Variants in RRBP1 observed in about 807,000 individuals in gnomAD.
The protein encoded by RRBP1 is ribosome binding protein 1.
RRBP1 carries 94 observed loss-of-function variants against 165.2 expected under a neutral mutation model. The ratio of observed to expected loss-of-function variants is 0.57; its 90% CI spans 0.48 to 0.68. The LOEUF is 0.68. RRBP1 is among the 30% of genes least tolerant of loss of function. RRBP1 has a pLI of 0.00. For synonymous variants in RRBP1, 680 were observed against 714.5 expected (o/e 0.95, Z 0.77); for missense variants, 1,676 against 1,763.0 (o/e 0.95, Z 0.88).
intron 3 of RRBP1, among the ~76,000 whole-genome samples, chr20:17,650,863 A>T (rs1314706481): frequency 6.6e-6 from 1 of 152,230 alleles, no homozygotes; most frequent in African/African-American, 2.4e-5. Flanking sequence ...TAATCCTGCA[A>T]ACAAAGACTC....
rs758396658 is a variant in RRBP1 at position 17,627,378 on chromosome 20, C to T, written c.2933G>A (p.Ser978Asn). The T allele has an allele frequency of 6.2e-7, 1 of 1,613,908 alleles. No homozygotes were observed. Among genetic ancestry groups the T allele is most frequent in the Admixed American group, 1.7e-5 (1 of 59,982 alleles). The change falls in exon 11 of 25, where the codon AGC (serine) becomes AAC (asparagine). Residue 978 changes from serine to asparagine, a missense_variant. Ser to Asn is a conservative substitution (Grantham distance 46). Coordinates refer to ENST00000377813, the MANE Select transcript of RRBP1 (RefSeq NM_001365613.2). Reference sequence around the variant, plus strand: ...CTGCTGCTGGTCAGCCTCCGCCTGGCTGGCCTGGAATGAGAGACAAAAGCT... The same window carrying T: ...CTGCTGCTGGTCAGCCTCCGCCTGGTTGGCCTGGAATGAGAGACAAAAGCT... The part of the protein sequence containing the change: ...QARDAQDVQA[S>N]QAEADQQQTR...
chr20:17,630,710 C>T (rs1288935084), intron 8 of RRBP1, among the ~76,000 whole-genome samples: 2 of 152,162 alleles, frequency 1.3e-5, no homozygotes, highest in African/African-American at 4.8e-5. Context: ...GCCAAGGCCT[C>T]CATTTAACCA....
chr20:17,614,919 C>G, intron 23 of RRBP1, 39 bp from the exon 24 acceptor site: 1 of 1,605,944 alleles, frequency 6.2e-7, no homozygotes, highest in Middle Eastern at 1.7e-4. Flanking sequence ...GCCCTTGCAC[C>G]GGCAGGAGGG....
rs1045790619 is a variant in RRBP1, at chr20:17,640,466, G to A, written c.2184+1331C>T. Among the ~76,000 whole-genome samples the A allele has an allele frequency of 2.8e-4, 43 of 152,188 alleles. 1 individual carries two copies. The highest frequency in any genetic ancestry group is 1.0e-3 in the African/African-American group (43 of 41,448). On this transcript the variant is annotated intron_variant, in intron 5 of 24. Coordinates refer to ENST00000377813, the MANE Select transcript of RRBP1 (RefSeq NM_001365613.2). ...GAGTGGCTGAGCTGGGGCCTGGGGG[G>A]CAGACTTAGGTCTGAAGATTAGGGG...
intron 1 of RRBP1, among the ~76,000 whole-genome samples, chr20:17,680,669 G>A (rs1030781128): frequency 2.6e-5 from 4 of 152,072 alleles, no homozygotes; most frequent in African/African-American, 7.2e-5. Context: ...GATTCAGAGG[G>A]GCTATGGGAC....
chr20:17,630,101 C>G, intron 8 of RRBP1, 140 bp from the exon 9 acceptor site: 1 of 897,634 alleles, frequency 1.1e-6, no homozygotes, highest in Non-Finnish European at 1.6e-6. Context: ...GAAATGCATC[C>G]CTCGAGGCTC....
Position 17,658,842 on chromosome 20 carries a change from G to T in RRBP1, c.1666C>A (p.Gln556Lys), listed in dbSNP as rs1391773390. Residue 556 changes from glutamine to lysine, a missense_variant, in exon 3 of 25, where the codon CAG becomes AAG. Transcript: ENST00000377813. The stretch of plus-strand genomic sequence containing the variant: ...GTAATACCCTCTACCTTTGTGCCCT[G>T]ATTAGCAACCGAATCTGCCTTTTTG... ...QGKKADSVANQGTKVEGITNQ... is the reference protein window; with the variant it reads ...QGKKADSVANKGTKVEGITNQ... 6.2e-7 allele frequency: 1 copy of T among 1,613,970 alleles called. No individual in the cohort carries two copies. The highest frequency in any genetic ancestry group is 1.1e-5 in the South Asian group (1 of 91,080).
chr20:17,640,400 C>G (rs926807098), intron 5 of RRBP1, among the ~76,000 whole-genome samples: 2 of 152,194 alleles, frequency 1.3e-5, no homozygotes, highest in African/African-American at 4.8e-5. Context: ...AATGTCTGAG[C>G]ACAGGTAGGG....
At chr20:17,614,692 C>A (rs377029368) in intron 24 of RRBP1, 45 bp downstream of exon 24, 19 of 1,602,380 alleles carry the variant, frequency 1.2e-5, no homozygotes, top group Admixed American at 1.7e-5. Flanking sequence ...CCGGGGCTCC[C>A]GGCAGCTCGA....
chr20:17,669,915 G>A (rs940232292), intron 2 of RRBP1, among the ~76,000 whole-genome samples: 6 of 151,950 alleles, frequency 3.9e-5, no homozygotes, highest in African/African-American at 1.2e-4. Flanking sequence ...ATTTCCTATC[G>A]TCTGCTTAAT....
intron 2 of RRBP1, among the ~76,000 whole-genome samples, chr20:17,678,933 A>C (rs775434741): frequency 2.6e-5 from 4 of 152,162 alleles, no homozygotes; most frequent in Non-Finnish European, 4.4e-5. Context: ...GATTTTCAAA[A>C]TGCCTCCCCA....
chr20:17,626,579 A>G (rs1010504885), intron 11 of RRBP1, among the ~76,000 whole-genome samples: 4 of 152,162 alleles, frequency 2.6e-5, no homozygotes, highest in African/African-American at 9.7e-5. Flanking sequence ...GACACATCTG[A>G]CCGTGTGCGA....
At chr20:17,637,591 C>T (rs1600745139) in intron 5 of RRBP1, among the ~76,000 whole-genome samples, 1 of 152,292 alleles carries the variant, frequency 6.6e-6, no homozygotes. Context: ...GGGCAGTGGG[C>T]CAGGAGTGAG....
Position 17,658,812 on chromosome 20 carries a change from G to C in RRBP1, c.1696C>G (p.Gln566Glu), listed in dbSNP as rs1196185660. ...QGTKVEGITNQGKKAEGSPSE... is the reference protein window; with the variant it reads ...QGTKVEGITNEGKKAEGSPSE... ...GGGGACCCTTCTGCTTTTTTCCCCTGGTTTGTAATACCCTCTACCTTTGTG... is the reference window on the plus strand; with the variant it reads ...GGGGACCCTTCTGCTTTTTTCCCCTCGTTTGTAATACCCTCTACCTTTGTG... The change falls in exon 3 of 25, where the codon CAG becomes GAG. Residue 566 changes from glutamine to glutamate, a missense_variant. Physicochemically the swap from Gln to Glu is conservative, Grantham distance 29. Coordinates refer to ENST00000377813, the MANE Select transcript of RRBP1 (RefSeq NM_001365613.2). The C allele has an allele frequency of 6.2e-7, 1 of 1,613,996 alleles. No individual in the cohort carries two copies. Among genetic ancestry groups the C allele is most frequent in the Non-Finnish European group, 8.5e-7 (1 of 1,179,898 alleles).
intron 8 of RRBP1, among the ~76,000 whole-genome samples, chr20:17,631,091 C>T (rs372903945): frequency 2.6e-5 from 4 of 152,218 alleles, no homozygotes; most frequent in South Asian, 2.1e-4. Flanking sequence ...TGCATTAGAA[C>T]GTAGCAGGGG....
rs746199776 is a variant in RRBP1 at position 17,619,623 on chromosome 20, G to A, written c.3675+10C>T. On this transcript the variant is annotated intron_variant, in intron 19 of 24. Coordinates refer to ENST00000377813, the MANE Select transcript of RRBP1 (RefSeq NM_001365613.2). ...GGGCAGGGGCTGCACTCCTTGGGGGGCAGACTCACCCCTGCCACCTCCTTG... is the reference window on the plus strand; with the variant it reads ...GGGCAGGGGCTGCACTCCTTGGGGGACAGACTCACCCCTGCCACCTCCTTG... The A allele has an allele frequency of 7.8e-5, 125 of 1,602,346 alleles. No individual in the cohort carries two copies. In the East Asian group the frequency reaches 1.9e-3, roughly 24 times the overall value.
chr20:17,658,901 T>C lies in RRBP1; in HGVS notation c.1607A>G (p.Gln536Arg). The C allele has an allele frequency of 6.2e-7, 1 of 1,613,454 alleles. No individual in the cohort carries two copies. Among genetic ancestry groups the C allele is most frequent in the Non-Finnish European group, 8.5e-7 (1 of 1,179,894 alleles). ...GGGAGCTCCCTCTCCTTTTTTGCCTTGGTTGGGACTCCTTTCTGCCTTTTT... is the reference window on the plus strand; with the variant it reads ...GGGAGCTCCCTCTCCTTTTTTGCCTCGGTTGGGACTCCTTTCTGCCTTTTT... ...QGKKAERSPNQGKKGEGAPIQ... is the reference protein window; with the variant it reads ...QGKKAERSPNRGKKGEGAPIQ... The change falls in exon 3 of 25, where the codon CAA (glutamine) becomes CGA (arginine). Residue 536 changes from glutamine to arginine, a missense_variant. By Grantham distance (43) the Gln-to-Arg change is conservative. Around this residue, in one of 5 missense-constraint regions of RRBP1, gnomAD observed 1,184 missense variants for 1,167.1 expected, o/e 1.01. Coordinates refer to ENST00000377813, the MANE Select transcript of RRBP1 (RefSeq NM_001365613.2).
chr20:17,645,094 C>T (rs1352314320), intron 3 of RRBP1, among the ~76,000 whole-genome samples: 1 of 152,196 alleles, frequency 6.6e-6, no homozygotes. Context: ...CAGAGTGACC[C>T]AAGAGCTCTG....
At chr20:17,646,077 C>T (rs1241305669) in intron 3 of RRBP1, among the ~76,000 whole-genome samples, 1 of 152,164 alleles carries the variant, frequency 6.6e-6, no homozygotes, top group Admixed American at 6.5e-5. Context: ...CCAGGCCCTG[C>T]AGGAATGGGA....
Sources: gnomAD v4.1 joint callset for allele counts (sites outside exome capture counted in the v4.1 genomes callset) on GRCh38, gnomAD v4.1.1 for gene constraint, gnomAD v4.1.1 regional missense constraint, MANE v1.5 for transcripts, NCBI Gene and HGNC (gene_info 2026-07-23, HGNC 2026-07-21) for gene names.